The following CUL4A variants were observed in gnomAD, a reference collection of about 807,000 sequenced individuals.
CUL4A encodes cullin-4A.
A neutral mutation model predicts 95.5 loss-of-function variants in CUL4A; 16 were observed. The ratio of observed to expected loss-of-function variants is 0.17; its 90% CI spans 0.11 to 0.25. The LOEUF (loss-of-function observed/expected upper bound fraction) is 0.25. Among genes scored for constraint, CUL4A ranks in the 10% least tolerant of loss-of-function variants. The pLI is 1.00. For synonymous variants in CUL4A, 380 were observed against 353.1 expected, an observed-to-expected ratio of 1.08 and a Z score of -0.85; for missense variants, 610 against 937.0, an observed-to-expected ratio of 0.65 and a Z score of 4.56.
intron 15 of CUL4A, among the ~76,000 whole-genome samples, chr13:113,248,904 T>C (rs1201274905): frequency 2.0e-5 from 3 of 152,186 alleles, no homozygotes; most frequent in Non-Finnish European, 2.9e-5. Context: ...CCATCCTTTT[T>C]TTGCTTTCGA....
chr13:113,239,442 A>G lies in CUL4A; in HGVS notation c.926A>G (p.His309Arg), dbSNP rs751141161. ...GTACTGCACATCTCAGGGCTCGACC[A>G]CTTACTGGATGAGAACAGAGTGCCG... ...LTAILQKGLD[H>R]LLDENRVPDL... Residue 309 changes from histidine to arginine, a missense_variant, in exon 10 of 20, where the codon CAC becomes CGC. Physicochemically the swap from His to Arg is conservative, Grantham distance 29. This residue lies in a region of CUL4A where 153 missense variants were observed against 244.5 expected (regional missense o/e 0.63). Coordinates refer to ENST00000375440, the MANE Select transcript of CUL4A (RefSeq NM_001008895.4). 1.2e-6 allele frequency: 2 copies of G among 1,613,906 alleles called. No homozygotes were observed. Among genetic ancestry groups the G allele is most frequent in the East Asian group, 2.2e-5 (1 of 44,870 alleles).
rs186600963 is a variant in CUL4A, at chr13:113,229,895, G to A, written c.512+376G>A. On this transcript the variant is annotated intron_variant, in intron 5 of 19. Transcript: ENST00000375440. ...TGGGGTCGCAGCCCTGAGGCTGTGCGTCCCCTGTGGAATGGCTTGCTCAGC... is the reference window on the plus strand; with the variant it reads ...TGGGGTCGCAGCCCTGAGGCTGTGCATCCCCTGTGGAATGGCTTGCTCAGC... 35 of 445,694 alleles carry A rather than the reference G, an allele frequency of 7.9e-5. No individual in the cohort carries two copies. The Admixed American group carries it at 8.7e-4, about 11-fold the overall frequency. The allele number at this position is 445,694 out of a possible 1,614,324, so 27.6% of individuals were successfully genotyped here. A position where few individuals can be genotyped will look rare whatever the true frequency, so the allele number is the denominator to read the frequency against.
chr13:113,259,053 A>G (rs1187305686), intron 18 of CUL4A, among the ~76,000 whole-genome samples: 2 of 152,166 alleles, frequency 1.3e-5, no homozygotes, highest in Non-Finnish European at 2.9e-5. Context: ...GTATGTATTA[A>G]TGCTATTTGT....
intron 2 of CUL4A, among the ~76,000 whole-genome samples, chr13:113,216,510 C>T (rs2040697584): frequency 6.6e-6 from 1 of 152,230 alleles, no homozygotes; most frequent in African/African-American, 2.4e-5. Flanking sequence ...AGGAAAGCAT[C>T]TTGATACTAA....
chr13:113,249,623 G>T (rs1322203840), intron 15 of CUL4A, among the ~76,000 whole-genome samples: 1 of 152,214 alleles, frequency 6.6e-6, no homozygotes, highest in South Asian at 2.1e-4. Context: ...ATATACCTGG[G>T]AGTGGAACTG....
At chr13:113,219,330 A>G (rs2040812033) in intron 3 of CUL4A, 2 of 286,072 alleles carry the variant, frequency 7.0e-6, no homozygotes, top group Non-Finnish European at 1.3e-5. Flanking sequence ...AATAAACACC[A>G]TCTGCATTGG....
intron 9 of CUL4A, among the ~76,000 whole-genome samples, 178 bp downstream of exon 9, chr13:113,237,068 G>T (rs1331354299): frequency 6.6e-6 from 1 of 151,986 alleles, no homozygotes; most frequent in East Asian, 1.9e-4. Context: ...AAATCAGTAA[G>T]AGAAATAATG....
Position 113,209,680 on chromosome 13 carries a change from C to A in CUL4A, c.53C>A (p.Thr18Asn). The A allele has an allele frequency of 8.7e-7, 1 of 1,145,822 alleles. No homozygotes were observed. Among genetic ancestry groups the A allele is most frequent in the Non-Finnish European group, 1.1e-6 (1 of 933,586 alleles). 71.0% of individuals were successfully genotyped at this position (1,145,822 alleles called of 1,614,324 possible). The change falls in exon 1 of 20, where the codon ACC (threonine) becomes AAC (asparagine). Residue 18 changes from threonine (T) to asparagine (N), a missense_variant. This residue lies in a region of CUL4A where 168 missense variants were observed against 185.5 expected (regional missense o/e 0.91). Transcript: ENST00000375440. Reference sequence around the variant, plus strand: ...AGCTTCTCGGCGCTCGTGGGCCGCACCAACGGCCTCACCAAGCCCGCGGCC... The same window carrying A: ...AGCTTCTCGGCGCTCGTGGGCCGCAACAACGGCCTCACCAAGCCCGCGGCC... ...KGSFSALVGR[T>N]NGLTKPAALA...
At chr13:113,256,926 G>GTTTTGTTTT (rs2042137989) in intron 18 of CUL4A, among the ~76,000 whole-genome samples, 2 of 47,374 alleles carry the variant, frequency 4.2e-5, no homozygotes. Flanking sequence ...TTTTTTTTTC[G>GTTTTGTTTT]TTTTTTTTTT....
upstream of CUL4A, chr13:113,209,024 G>A (rs112906137): frequency 1.7e-6 from 1 of 595,136 alleles, no homozygotes; most frequent in African/African-American, 2.1e-5. Context: ...AGGGCCTCGG[G>A]GCGCGCGCGC....
intron 15 of CUL4A, among the ~76,000 whole-genome samples, chr13:113,250,590 G>A (rs1473718352): frequency 1.3e-5 from 2 of 152,160 alleles, no homozygotes; most frequent in Non-Finnish European, 2.9e-5. Flanking sequence ...ATAGCATTAT[G>A]ATGATAATTA....
At chr13:113,232,534 A>G (rs1430015221) in intron 5 of CUL4A, among the ~76,000 whole-genome samples, 2 of 152,156 alleles carry the variant, frequency 1.3e-5, no homozygotes, top group African/African-American at 4.8e-5. Flanking sequence ...GCCACTGGGG[A>G]CAGTAGGAGT....
chr13:113,229,254 A>G (rs548392237), intron 4 of CUL4A, among the ~76,000 whole-genome samples, 192 bp from the exon 5 acceptor site: 2 of 152,358 alleles, frequency 1.3e-5, no homozygotes, highest in East Asian at 1.9e-4. Context: ...CAGATTTACA[A>G]TATTAAAGAG....
intron 18 of CUL4A, among the ~76,000 whole-genome samples, chr13:113,260,067 G>T (rs987043046): frequency 3.3e-5 from 5 of 150,792 alleles, no homozygotes; most frequent in African/African-American, 1.2e-4. Context: ...AGCCGGGCAT[G>T]GTGGGGGGGC....
At chr13:113,230,763 T>A (rs1207998777) in intron 5 of CUL4A, among the ~76,000 whole-genome samples, 2 of 142,148 alleles carry the variant, frequency 1.4e-5, no homozygotes, top group Non-Finnish European at 3.1e-5. Context: ...TTTCAAAAAT[T>A]ATTATTATTA....
chr13:113,208,686 C>T (rs777261094), upstream of CUL4A: 1 of 1,565,978 alleles, frequency 6.4e-7, no homozygotes, highest in Non-Finnish European at 8.6e-7. Flanking sequence ...AGCGGGCCAG[C>T]TGGCGTCACT....
chr13:113,240,128 C>G (rs2041665257), intron 10 of CUL4A, among the ~76,000 whole-genome samples: 1 of 152,168 alleles, frequency 6.6e-6, no homozygotes. Flanking sequence ...GGAGAACGGC[C>G]CTTTGGTGCT....
chr13:113,257,318 T>C (rs922367112), intron 18 of CUL4A, among the ~76,000 whole-genome samples: 1 of 152,208 alleles, frequency 6.6e-6, no homozygotes, highest in Non-Finnish European at 1.5e-5. Context: ...CTCCTTTTCT[T>C]TTATGGTTTC....
In CUL4A at chr13:113,239,437, C is replaced by T. The variant is rs776937132; in HGVS notation, c.921C>T (p.Leu307=). 3.8e-5 allele frequency: 61 copies of T among 1,613,558 alleles called. No individual in the cohort carries two copies. The highest frequency in any genetic ancestry group is 1.6e-4 in the Middle Eastern group (1 of 6,080). The change falls in exon 10 of 20, where the codon CTC becomes CTT. Residue 307 remains leucine, a synonymous_variant. Transcript: ENST00000375440. ...EHLTAILQKG[L]DHLLDENRVP... ...GACGTGTACTGCACATCTCAGGGCT[C>T]GACCACTTACTGGATGAGAACAGAG...
Sources: allele counts gnomAD v4.1 joint callset (sites outside exome capture counted in the v4.1 genomes callset), GRCh38; gene constraint gnomAD v4.1.1; regional missense constraint gnomAD v4.1.1; transcripts MANE v1.5; gene names NCBI Gene and HGNC (gene_info 2026-07-23, HGNC 2026-07-21).